The following FGF1 variants were observed in gnomAD, a reference collection of about 807,000 sequenced individuals.
FGF1 encodes the protein beta-endothelial cell growth factor.
FGF1 carries 9 observed loss-of-function variants against 13.4 expected under a neutral mutation model. The ratio of observed to expected loss-of-function variants is 0.67; its 90% confidence interval spans 0.40 to 1.17. The LOEUF (loss-of-function observed/expected upper bound fraction) is 1.17. Ranked by LOEUF, FGF1 falls within the 50% of genes most tolerant of loss-of-function variation. The pLI is 0.01. For missense variants in FGF1, 156 were observed against 192.7 expected (o/e 0.81, Z 1.13); for synonymous variants, 93 against 79.0 (o/e 1.18, Z -0.94).
At chr5:142,595,560 G>T in intron 3 of FGF1, 76 bp from the exon 4 acceptor site, 1 of 1,246,500 alleles carries the variant, frequency 8.0e-7, no homozygotes, top group Non-Finnish European at 1.1e-6. Context: ...TACTAGCTGT[G>T]TGACATTGGG....
At chr5:142,632,883 G>T (rs1285932658) in intron 1 of FGF1, among the ~76,000 whole-genome samples, 1 of 151,250 alleles carries the variant, frequency 6.6e-6, no homozygotes, top group Non-Finnish European at 1.5e-5. Context: ...GCAAAACTGT[G>T]TCAACTAACC....
chr5:142,635,200 C>T (rs965888831), intron 1 of FGF1, among the ~76,000 whole-genome samples: 15 of 152,116 alleles, frequency 9.9e-5, no homozygotes, highest in African/African-American at 3.4e-4. Flanking sequence ...TCCCTTGTGC[C>T]TCAATTTTCT....
intron 2 of FGF1, among the ~76,000 whole-genome samples, chr5:142,608,301 T>G (rs1420909342): frequency 6.6e-6 from 1 of 152,064 alleles, no homozygotes; most frequent in Non-Finnish European, 1.5e-5. Flanking sequence ...CCTGGTTTAT[T>G]CTGGGTTGGA....
In FGF1 at chr5:142,667,757, G is replaced by A. The variant is rs985286562; in HGVS notation, c.-35+18200C>T. On this transcript the variant is annotated intron_variant, in intron 1 of 3. Coordinates refer to ENST00000337706, the MANE Select transcript of FGF1 (RefSeq NM_000800.5). ...GGCCTCGGCGGGCTCTGAAAATTCCGAACTCTGGACTCTGTTCCTCCAGGC... is the reference window on the plus strand; with the variant it reads ...GGCCTCGGCGGGCTCTGAAAATTCCAAACTCTGGACTCTGTTCCTCCAGGC... Among the ~76,000 whole-genome samples the A allele has an allele frequency of 2.6e-5, 4 of 152,072 alleles. No individual in the cohort carries two copies. The East Asian group carries it at 5.8e-4, about 22-fold the overall frequency.
intron 1 of FGF1, among the ~76,000 whole-genome samples, chr5:142,631,615 C>A (rs1249806559): frequency 6.6e-6 from 1 of 152,128 alleles, no homozygotes; most frequent in African/African-American, 2.4e-5. Flanking sequence ...AGATAGAAAT[C>A]AAGACCTGGG....
intron 1 of FGF1, among the ~76,000 whole-genome samples, chr5:142,659,864 A>G (rs1248947614): frequency 6.6e-6 from 1 of 152,202 alleles, no homozygotes; most frequent in African/African-American, 2.4e-5. Context: ...ATGACAGGGA[A>G]CATGCCCTTT....
At chr5:142,600,295 G>A (rs1042086735) in intron 3 of FGF1, among the ~76,000 whole-genome samples, 1 of 152,176 alleles carries the variant, frequency 6.6e-6, no homozygotes, top group Non-Finnish European at 1.5e-5. Flanking sequence ...CCAGGAGTTC[G>A]AGGCTTCAGT....
upstream of FGF1, among the ~76,000 whole-genome samples, chr5:142,687,155 A>T (rs1751386144): frequency 6.6e-6 from 1 of 152,044 alleles, no homozygotes; most frequent in Non-Finnish European, 1.5e-5. Context: ...ACTCCCATGT[A>T]TGTACACAAG....
chr5:142,646,382 G>T (rs923866148), intron 1 of FGF1, among the ~76,000 whole-genome samples: 3 of 151,182 alleles, frequency 2.0e-5, no homozygotes, highest in Non-Finnish European at 4.4e-5. Flanking sequence ...GAGGAGACTT[G>T]CTCTGTCCCC....
At chr5:142,659,322 G>A (rs974113356) in intron 1 of FGF1, among the ~76,000 whole-genome samples, 50 of 150,526 alleles carry the variant, frequency 3.3e-4, no homozygotes, top group Admixed American at 3.3e-3. Flanking sequence ...TCTGCCTCCC[G>A]GGTTCAAGCG....
At chr5:142,686,436 C>G (rs543622758), upstream of FGF1, 1 of 152,464 alleles carries the variant, frequency 6.6e-6, no homozygotes, top group East Asian at 1.9e-4. Context: ...CAGCAGCTAC[C>G]CTGGGTGTTA....
intron 1 of FGF1, among the ~76,000 whole-genome samples, chr5:142,641,655 T>C (rs1373541830): frequency 6.6e-6 from 1 of 152,040 alleles, no homozygotes. Context: ...GAGTACTTTG[T>C]TATCTCATGA....
intron 2 of FGF1, among the ~76,000 whole-genome samples, chr5:142,611,028 T>A (rs1339105800): frequency 6.6e-6 from 1 of 152,218 alleles, no homozygotes; most frequent in Non-Finnish European, 1.5e-5. Context: ...TCGATTGGCT[T>A]TTAGAAACGC....
chr5:142,635,683 T>A (rs1461685248), intron 1 of FGF1, among the ~76,000 whole-genome samples: 1 of 152,226 alleles, frequency 6.6e-6, no homozygotes, highest in Non-Finnish European at 1.5e-5. Flanking sequence ...AGGGCCCACC[T>A]GCCTGGGAAT....
At chr5:142,651,606 G>A (rs1296509883) in intron 1 of FGF1, among the ~76,000 whole-genome samples, 1 of 152,132 alleles carries the variant, frequency 6.6e-6, no homozygotes, top group Non-Finnish European at 1.5e-5. Flanking sequence ...TTCCTACAGT[G>A]TAGTTTCACT....
At chr5:142,642,425 T>G (rs1765348705) in intron 1 of FGF1, among the ~76,000 whole-genome samples, 3 of 152,238 alleles carry the variant, frequency 2.0e-5, no homozygotes, top group Admixed American at 1.3e-4. Flanking sequence ...AAAACTCACA[T>G]GCCAGCAACT....
intron 2 of FGF1, among the ~76,000 whole-genome samples, chr5:142,694,147 G>T (rs1752726679): frequency 6.7e-6 from 1 of 148,320 alleles, no homozygotes; most frequent in Non-Finnish European, 1.5e-5. Flanking sequence ...ATGTCTATCT[G>T]CCTCTCTGTA....
At chr5:142,627,705 C>T (rs78094154) in intron 1 of FGF1, among the ~76,000 whole-genome samples, 1,750 of 152,338 alleles carry the variant, frequency 0.011, 15 homozygotes, top group Middle Eastern at 0.027. Context: ...CAGTTGGTAT[C>T]ACAGCCAAAG....
chr5:142,618,166 C>T (rs1597146482), intron 1 of FGF1, among the ~76,000 whole-genome samples: 2 of 152,066 alleles, frequency 1.3e-5, no homozygotes, highest in South Asian at 2.1e-4. Context: ...ATTTGGGGTA[C>T]GGGTGAGATT....
Sources: allele counts gnomAD v4.1 joint callset (sites outside exome capture counted in the v4.1 genomes callset), GRCh38; gene constraint gnomAD v4.1.1; transcripts MANE v1.5; gene names NCBI Gene and HGNC (gene_info 2026-07-23, HGNC 2026-07-21).